The following XKR9 variants were observed in gnomAD, a reference collection of about 807,000 sequenced individuals.
The protein encoded by XKR9 is XK related 9, also known as XK-related protein 9.
Under a neutral mutation model 32.0 loss-of-function variants are expected in XKR9, and 32 were observed. The observed-to-expected ratio is 1.00, with a 90% CI of 0.76 to 1.34. The LOEUF is 1.34. XKR9 is among the 40% of genes most tolerant of loss of function. XKR9 has a pLI of 0.00. For synonymous variants in XKR9, 168 were observed against 143.4 expected (o/e 1.17, Z -1.22); for missense variants, 546 against 429.7 (o/e 1.27, Z -2.39).
intron 2 of XKR9, among the ~76,000 whole-genome samples, chr8:70,751,215 C>T (rs1181832563): frequency 6.6e-6 from 1 of 152,138 alleles, no homozygotes; most frequent in Non-Finnish European, 1.5e-5. Context: ...GCAGCCTCCG[C>T]CTCCTGGGGG....
the XKR9 span, among the ~76,000 whole-genome samples, chr8:70,894,957 A>T: frequency 6.6e-6 from 1 of 152,044 alleles, no homozygotes; most frequent in African/African-American, 2.4e-5. Context: ...TGTAGTTCCA[A>T]TTCCAAGATG....
At chr8:70,957,508 C>T in the XKR9 span, among the ~76,000 whole-genome samples, 4 of 152,244 alleles carry the variant, frequency 2.6e-5, no homozygotes, top group Admixed American at 2.6e-4. Flanking sequence ...CATCCATTAA[C>T]TATTCTTCCT....
intron 2 of XKR9, among the ~76,000 whole-genome samples, chr8:70,757,102 A>T (rs1807237819): frequency 6.6e-6 from 1 of 151,970 alleles, no homozygotes; most frequent in Non-Finnish European, 1.5e-5. Flanking sequence ...TGAGATAATC[A>T]TGTGATTTTT....
At chr8:70,727,619 TGA>T (rs944449687) in intron 4 of XKR9, among the ~76,000 whole-genome samples, 1 of 151,948 alleles carries the variant, frequency 6.6e-6, no homozygotes, top group Admixed American at 6.6e-5. Flanking sequence ...AGGCTGGTCT[TGA>T]ACTCCTTACC....
intron 2 of XKR9, among the ~76,000 whole-genome samples, chr8:70,777,678 G>T (rs1807551596): frequency 6.6e-6 from 1 of 152,052 alleles, no homozygotes; most frequent in African/African-American, 2.4e-5. Context: ...ATCTCATTGT[G>T]GTTTTGACTT....
the XKR9 span, among the ~76,000 whole-genome samples, chr8:71,061,686 C>T: frequency 6.6e-6 from 1 of 152,206 alleles, no homozygotes; most frequent in Middle Eastern, 3.4e-3. Context: ...AGATTCTAGC[C>T]TGAAAATCAG....
the XKR9 span, among the ~76,000 whole-genome samples, chr8:70,890,576 C>T: frequency 6.6e-6 from 1 of 151,598 alleles, no homozygotes; most frequent in Non-Finnish European, 1.5e-5. Flanking sequence ...GATTTTTGTC[C>T]TTCATTTTGT....
intron 2 of XKR9, among the ~76,000 whole-genome samples, chr8:70,754,790 G>C (rs879165889): frequency 6.6e-6 from 1 of 151,748 alleles, no homozygotes; most frequent in Non-Finnish European, 1.5e-5. Flanking sequence ...TTACATGTTA[G>C]ACCTAAAACC....
At chr8:71,025,234 T>C in the XKR9 span, among the ~76,000 whole-genome samples, 88,521 of 151,930 alleles carry the variant, frequency 0.58, 27,066 homozygotes, top group African/African-American at 0.69. Flanking sequence ...ACGAAATGAG[T>C]TAGCTTGACA....
At chr8:70,910,285 C>T in the XKR9 span, among the ~76,000 whole-genome samples, 1 of 152,112 alleles carries the variant, frequency 6.6e-6, no homozygotes, top group Non-Finnish European at 1.5e-5. Flanking sequence ...TGCAAGTCAT[C>T]TGTGAGCACT....
the XKR9 span, among the ~76,000 whole-genome samples, chr8:70,860,363 C>T: frequency 1.3e-5 from 2 of 152,050 alleles, no homozygotes; most frequent in African/African-American, 4.8e-5. Flanking sequence ...CAGTCTGCAA[C>T]CCAGAACACA....
the XKR9 span, among the ~76,000 whole-genome samples, chr8:70,901,368 G>T: frequency 2.0e-4 from 31 of 152,254 alleles, 1 homozygote; most frequent in South Asian, 3.3e-3. Context: ...GTGTGAGATG[G>T]TATCTCATTG....
the XKR9 span, among the ~76,000 whole-genome samples, chr8:70,854,882 T>G: frequency 6.6e-6 from 1 of 152,132 alleles, no homozygotes; most frequent in African/African-American, 2.4e-5. Context: ...TTGGTTTATA[T>G]CTCTGTTTTG....
the XKR9 span, among the ~76,000 whole-genome samples, chr8:70,950,696 T>A: frequency 6.6e-6 from 1 of 152,072 alleles, no homozygotes; most frequent in African/African-American, 2.4e-5. Flanking sequence ...TCTTTTGAGA[T>A]GGAGTCTCAC....
At chr8:70,985,213 A>G in the XKR9 span, among the ~76,000 whole-genome samples, 1 of 152,158 alleles carries the variant, frequency 6.6e-6, no homozygotes. Flanking sequence ...CCTTGTGTCC[A>G]TGTATTCTCA....
At chr8:70,847,235 G>A in the XKR9 span, among the ~76,000 whole-genome samples, 9 of 152,086 alleles carry the variant, frequency 5.9e-5, no homozygotes, top group East Asian at 1.5e-3. Context: ...ACATGCCCCT[G>A]AATGACCAAT....
the XKR9 span, among the ~76,000 whole-genome samples, chr8:70,814,405 C>T: frequency 9.2e-5 from 14 of 151,644 alleles, no homozygotes; most frequent in African/African-American, 3.4e-4. Flanking sequence ...AACAAACCTG[C>T]ACATTGTGCA....
At chr8:70,855,370 G>A in the XKR9 span, among the ~76,000 whole-genome samples, 1 of 152,154 alleles carries the variant, frequency 6.6e-6, no homozygotes, top group Non-Finnish European at 1.5e-5. Flanking sequence ...CTGGAAGAAA[G>A]GGTATCAGTG....
the XKR9 span, among the ~76,000 whole-genome samples, chr8:70,949,619 G>C: frequency 1.3e-5 from 2 of 151,904 alleles, no homozygotes; most frequent in Non-Finnish European, 2.9e-5. Context: ...GGGTGGCGAG[G>C]TTTGATCGTG....
Sources: allele counts gnomAD v4.1 joint callset (sites outside exome capture counted in the v4.1 genomes callset), GRCh38; gene constraint gnomAD v4.1.1; transcripts MANE v1.5; gene names NCBI Gene and HGNC (gene_info 2026-07-23, HGNC 2026-07-21).